Variants in INCA1 observed in about 807,000 individuals in gnomAD.
INCA1 encodes protein INCA1.
Under a neutral mutation model 25.7 loss-of-function variants are expected in INCA1, and 28 were observed. The ratio of observed to expected loss-of-function variants is 1.09; its 90% CI spans 0.81 to 1.49. The LOEUF is 1.49. Ranked by LOEUF, INCA1 falls within the 40% of genes most tolerant of loss-of-function variation. INCA1 has a pLI of 0.00. For synonymous variants in INCA1, 111 were observed against 103.6 expected, an observed-to-expected ratio of 1.07 and a Z score of -0.43; for missense variants, 309 against 290.9, an observed-to-expected ratio of 1.06 and a Z score of -0.45.
chr17:4,990,282 G>A lies in INCA1; in HGVS notation c.45-17C>T. ...CTGGAACACCTGAGGTGAGGACAAG[G>A]TAGGCTCGGGTCTGGCTCTTCCCTT... On this transcript the variant is annotated splice_polypyrimidine_tract_variant and intron_variant, in intron 2 of 6. Transcript: ENST00000576820. 1 of 1,606,106 alleles carries A rather than the reference G, an allele frequency of 6.2e-7. No individual in the cohort carries two copies. Among genetic ancestry groups the A allele is most frequent in the Non-Finnish European group, 8.5e-7 (1 of 1,175,918 alleles).
At position 4,988,767 on chromosome 17, in the gene INCA1, C is replaced by G. The variant is rs1304653865; in HGVS notation, c.561+12G>C. On this transcript the variant is annotated intron_variant, in intron 6 of 6. Coordinates refer to ENST00000576820, the Ensembl canonical transcript of INCA1. ...CACTCCCTCACTCCACCCAGTTCCACTCCAACAATACCTGGGCCCTGCCAG... is the reference window on the plus strand; with the variant it reads ...CACTCCCTCACTCCACCCAGTTCCAGTCCAACAATACCTGGGCCCTGCCAG... 3 of 1,614,134 alleles carry G rather than the reference C, an allele frequency of 1.9e-6. No homozygotes were observed. The highest frequency in any genetic ancestry group is 1.7e-4 in the Middle Eastern group (1 of 6,060).
At chr17:4,989,610 G>A (rs1364941534) in exon 5 of INCA1, 2 of 1,613,756 alleles carry the variant, frequency 1.2e-6, no homozygotes, top group Admixed American at 3.3e-5. Flanking sequence ...CAAGCTGGGA[G>A]CAACCAGTGG....
At position 4,989,476 on chromosome 17, in the gene INCA1, A is replaced by G. The variant is rs775495251; in HGVS notation, c.347T>C (p.Val116Ala). ...TCTTAGGTCCTCCAGGTGGTAAGTG[A>G]CAGCCCTCACCCGGGCGGGGACTCC... The change falls in exon 5 of 7, where the codon GTC (valine) becomes GCC (alanine). Residue 116 changes from valine to alanine, a missense_variant. Physicochemically the swap from Val to Ala is moderately conservative, Grantham distance 64 (BLOSUM62 0). Coordinates refer to ENST00000576820, the Ensembl canonical transcript of INCA1. The G allele has an allele frequency of 1.1e-5, 18 of 1,614,168 alleles. No individual in the cohort carries two copies. The Admixed American group carries it at 2.8e-4, about 25-fold the overall frequency.
chr17:4,995,448 G>A (rs1242305909), intron 1 of INCA1, among the ~76,000 whole-genome samples: 2 of 152,186 alleles, frequency 1.3e-5, no homozygotes, highest in African/African-American at 2.4e-5. Flanking sequence ...GGGGGTAAGA[G>A]AAGTGACAGA....
chr17:4,988,285 C>T (rs1367755795), exon 7 of INCA1: 3 of 1,133,848 alleles, frequency 2.6e-6, no homozygotes, highest in Non-Finnish European at 2.5e-6. Context: ...ATGGGAAAGG[C>T]AGTTGGAGAG....
chr17:4,996,896 G>A (rs1225341362), intron 1 of INCA1: 1 of 152,880 alleles, frequency 6.5e-6, no homozygotes, highest in Non-Finnish European at 1.5e-5. Flanking sequence ...GCCTAAAGTG[G>A]GGTCTAAAGG....
intron 1 of INCA1, among the ~76,000 whole-genome samples, chr17:4,995,423 G>C (rs1206939525): frequency 6.6e-6 from 1 of 152,160 alleles, no homozygotes; most frequent in Non-Finnish European, 1.5e-5. Context: ...GAGACTGGGT[G>C]GGGTGGAGGC....
chr17:4,995,826 G>C (rs1461299605), intron 1 of INCA1: 1 of 152,256 alleles, frequency 6.6e-6, no homozygotes, highest in African/African-American at 2.4e-5. Flanking sequence ...AGCTACTCAG[G>C]AGGCTGAGGC....
chr17:4,996,269 C>G (rs981745263), intron 1 of INCA1, among the ~76,000 whole-genome samples: 1 of 151,504 alleles, frequency 6.6e-6, no homozygotes, highest in African/African-American at 2.4e-5. Context: ...CGCTTGTACC[C>G]GGAAGGCTGA....
At chr17:4,994,567 G>A (rs548842213) in intron 1 of INCA1, 92 bp from the exon 2 acceptor site, 22 of 867,394 alleles carry the variant, frequency 2.5e-5, no homozygotes, top group African/African-American at 1.5e-4. Context: ...CAAGGCGGGC[G>A]GATCATGAGG....
exon 5 of INCA1, chr17:4,989,590 G>A (rs1973687041): frequency 6.2e-7 from 1 of 1,614,084 alleles, no homozygotes; most frequent in African/African-American, 1.3e-5. Context: ...CTGCTCAGGA[G>A]GATACAGACC....
chr17:4,989,096 C>T (rs1973612162), intron 5 of INCA1, 152 bp from the exon 6 acceptor site: 1 of 888,504 alleles, frequency 1.1e-6, no homozygotes, highest in Non-Finnish European at 1.7e-6. Flanking sequence ...TTCTGCTCCC[C>T]TCAGACTGAA....
At chr17:4,989,054 G>A (rs1973605271) in intron 5 of INCA1, 110 bp from the exon 6 acceptor site, 3 of 1,213,754 alleles carry the variant, frequency 2.5e-6, no homozygotes, top group South Asian at 1.6e-5. Context: ...CCAGGGAGTT[G>A]TCATTTGACC....
intron 5 of INCA1, 22 bp from the exon 6 acceptor site, chr17:4,988,966 G>T: frequency 6.2e-7 from 1 of 1,600,788 alleles, no homozygotes; most frequent in Non-Finnish European, 8.5e-7. Flanking sequence ...TTAGGCTGAG[G>T]AGAGAAGTGC....
intron 2 of INCA1, among the ~76,000 whole-genome samples, chr17:4,993,132 GGC>G (rs1973989328): frequency 6.6e-6 from 1 of 151,890 alleles, no homozygotes; most frequent in East Asian, 1.9e-4. Context: ...CGCCCGCCTT[GGC>G]CTCCCAAAGT....
At chr17:4,993,554 C>CCT (rs1974019930) in intron 2 of INCA1, among the ~76,000 whole-genome samples, 1 of 136,918 alleles carries the variant, frequency 7.3e-6, no homozygotes, top group African/African-American at 2.8e-5. Context: ...TTGCAAGGTC[C>CCT]GCCTCCTGGG....
intron 1 of INCA1, among the ~76,000 whole-genome samples, chr17:4,994,968 G>A (rs904161964): frequency 3.3e-5 from 5 of 152,182 alleles, no homozygotes; most frequent in African/African-American, 7.2e-5. Flanking sequence ...CCCTTTGGGA[G>A]GCCGAGGCAG....
intron 2 of INCA1, 61 bp downstream of exon 2, chr17:4,994,333 C>G: frequency 1.4e-6 from 2 of 1,479,238 alleles, no homozygotes; most frequent in Non-Finnish European, 1.9e-6. Context: ...AGGGAAGGAC[C>G]CAGGCATGCA....
rs534276033 is a variant in INCA1 at position 4,989,783 on chromosome 17, T to C, written c.198+107A>G. ...AGAAAGGAAGGCCTGGTCAGTGCAC[T>C]GGTTGGGGAATAACAGAGGGAAGCG... On this transcript the variant is annotated intron_variant, in intron 4 of 6. Coordinates refer to ENST00000576820, the Ensembl canonical transcript of INCA1. 2.5e-6 allele frequency: 4 copies of C among 1,574,568 alleles called. No homozygotes were observed. In the African/African-American group the frequency reaches 5.4e-5, roughly 21 times the overall value.
Sources: gnomAD v4.1 joint callset for allele counts (sites outside exome capture counted in the v4.1 genomes callset) on GRCh38, gnomAD v4.1.1 for gene constraint, MANE v1.5 for transcripts, NCBI Gene and HGNC (gene_info 2026-07-23, HGNC 2026-07-21) for gene names.